The following CCDC33 variants were observed in gnomAD, a reference collection of about 807,000 sequenced individuals.
CCDC33 encodes coiled-coil domain containing 33.
CCDC33 carries 94 observed loss-of-function variants against 91.9 expected under a neutral mutation model. The ratio of observed to expected loss-of-function variants is 1.02; its 90% CI spans 0.87 to 1.21. The LOEUF (loss-of-function observed/expected upper bound fraction) is 1.21. Ranked by LOEUF, CCDC33 falls within the 50% of genes most tolerant of loss-of-function variation. CCDC33 has a pLI of 0.00. For synonymous variants in CCDC33, 396 were observed against 374.5 expected, an observed-to-expected ratio of 1.06 and a Z score of -0.66; for missense variants, 940 against 935.5, an observed-to-expected ratio of 1.00 and a Z score of -0.06.
intron 1 of CCDC33, 54 bp downstream of exon 1, chr15:74,236,794 G>A (rs1360899539): frequency 6.4e-7 from 1 of 1,571,938 alleles, no homozygotes; most frequent in Non-Finnish European, 8.7e-7. Flanking sequence ...CTCCTTCAAA[G>A]TCCTTCCTTC....
intron 11 of CCDC33, among the ~76,000 whole-genome samples, chr15:74,308,354 G>GAC (rs5813758): frequency 0.019 from 2,678 of 141,992 alleles, 64 homozygotes; most frequent in African/African-American, 0.058. Flanking sequence ...TGTGCAGACA[G>GAC]ACAGACACAC....
At chr15:74,281,609 T>C (rs956026350) in intron 9 of CCDC33, among the ~76,000 whole-genome samples, 169 bp from the exon 10 acceptor site, 5 of 152,124 alleles carry the variant, frequency 3.3e-5, no homozygotes, top group Non-Finnish European at 5.9e-5. Flanking sequence ...AGGGGTGGTG[T>C]GGAGGCAGTT....
chr15:74,292,260 G>T (rs1325994908), intron 10 of CCDC33, among the ~76,000 whole-genome samples: 2 of 152,172 alleles, frequency 1.3e-5, no homozygotes, highest in African/African-American at 4.8e-5. Flanking sequence ...AGTCTCCAAG[G>T]CTCTTCCCAT....
intron 10 of CCDC33, among the ~76,000 whole-genome samples, chr15:74,291,842 C>T (rs115096633): frequency 0.011 from 1,745 of 152,326 alleles, 41 homozygotes; most frequent in African/African-American, 0.04. Context: ...TGGTCTGTCT[C>T]AACAGACCCA....
At chr15:74,235,635 C>T (rs2075130232), upstream of CCDC33, among the ~76,000 whole-genome samples, 1 of 152,152 alleles carries the variant, frequency 6.6e-6, no homozygotes, top group Non-Finnish European at 1.5e-5. Flanking sequence ...AGTCTCTCTT[C>T]ATTCTGCCAT....
At chr15:74,268,540 G>A in intron 5 of CCDC33, 82 bp downstream of exon 5, 1 of 1,049,862 alleles carries the variant, frequency 9.5e-7, no homozygotes, top group Non-Finnish European at 1.5e-6. Context: ...CTTGCCCTTA[G>A]CCCCCTCTGG....
Position 74,332,717 on chromosome 15 carries a change from T to G in CCDC33, c.1810T>G (p.Ser604Ala). 1 of 1,614,176 alleles carries G rather than the reference T, an allele frequency of 6.2e-7. No homozygotes were observed. Among genetic ancestry groups the G allele is most frequent in the Non-Finnish European group, 8.5e-7 (1 of 1,180,008 alleles). Residue 604 changes from serine to alanine, a missense_variant, in exon 16 of 19, where the codon TCT becomes GCT. By Grantham distance (99) the Ser-to-Ala change is moderately conservative. Transcript: ENST00000398814. ...MLSASGLPLG[S>A]MGENLPVELY... is the part of the protein sequence containing the mutation. ...CTCAGCCTCTGGCCTTCCCTTGGGTTCTATGGGAGAGAACCTGCCGGTTGA... is the reference window on the plus strand; with the variant it reads ...CTCAGCCTCTGGCCTTCCCTTGGGTGCTATGGGAGAGAACCTGCCGGTTGA...
chr15:74,323,198 G>A (rs1021823760), intron 11 of CCDC33, among the ~76,000 whole-genome samples: 3 of 151,992 alleles, frequency 2.0e-5, no homozygotes, highest in Non-Finnish European at 4.4e-5. Flanking sequence ...CAGAGCACTG[G>A]CCAAGGTCAC....
intron 15 of CCDC33, 73 bp downstream of exon 15, chr15:74,331,369 C>T (rs2060434942): frequency 1.4e-6 from 2 of 1,472,516 alleles, no homozygotes; most frequent in Non-Finnish European, 1.9e-6. Flanking sequence ...TTCCTGGAGC[C>T]TCTCAGCTTC....
upstream of CCDC33, among the ~76,000 whole-genome samples, chr15:74,233,015 G>A (rs138467095): frequency 2.9e-3 from 446 of 152,226 alleles, 1 homozygote; most frequent in African/African-American, 0.01. Context: ...GCCCATGGCC[G>A]CACCTTTCTC....
chr15:74,321,649 C>T (rs114913123), intron 11 of CCDC33, among the ~76,000 whole-genome samples: 2 of 152,144 alleles, frequency 1.3e-5, no homozygotes, highest in South Asian at 2.1e-4. Flanking sequence ...GATCCGCCCC[C>T]CTCGGCTCCC....
At chr15:74,251,872 G>A (rs2075721030) in intron 2 of CCDC33, among the ~76,000 whole-genome samples, 1 of 152,138 alleles carries the variant, frequency 6.6e-6, no homozygotes, top group African/African-American at 2.4e-5. Context: ...TGGCAAGAGG[G>A]GGGATAAAGA....
intron 7 of CCDC33, 101 bp downstream of exon 7, chr15:74,272,992 TAA>T: frequency 6.8e-7 from 1 of 1,473,886 alleles, no homozygotes; most frequent in South Asian, 1.2e-5. Context: ...GACTATCGAG[TAA>T]GAGTTGACTG....
intron 2 of CCDC33, among the ~76,000 whole-genome samples, chr15:74,211,100 T>C (rs141730608): frequency 0.016 from 2,340 of 150,850 alleles, 60 homozygotes; most frequent in African/African-American, 0.054. Context: ...GGTCAGTGAC[T>C]GACCTAGGGG....
exon 1 of CCDC33, chr15:74,217,543 C>A (rs780212879): frequency 1.6e-6 from 2 of 1,268,222 alleles, no homozygotes; most frequent in Non-Finnish European, 2.0e-6. Context: ...CAGAGCCTCA[C>A]CCTCACCAGG....
At chr15:74,313,737 C>G (rs1317071023) in intron 11 of CCDC33, among the ~76,000 whole-genome samples, 1 of 152,164 alleles carries the variant, frequency 6.6e-6, no homozygotes, top group African/African-American at 2.4e-5. Flanking sequence ...TAGGCAACTT[C>G]TTACCCTGTC....
chr15:74,253,923 C>T (rs2075785693), intron 2 of CCDC33, among the ~76,000 whole-genome samples: 2 of 149,666 alleles, frequency 1.3e-5, no homozygotes, highest in Admixed American at 6.6e-5. Flanking sequence ...ACTGTGTTGC[C>T]CAGGCTGGTT....
intron 18 of CCDC33, 49 bp downstream of exon 18, chr15:74,335,137 G>C: frequency 7.1e-7 from 1 of 1,404,504 alleles, no homozygotes; most frequent in Non-Finnish European, 1.0e-6. Flanking sequence ...TGGTGGAGCA[G>C]GAAGCCACCG....
intron 1 of CCDC33, among the ~76,000 whole-genome samples, chr15:74,237,616 C>T (rs1417178522): frequency 6.6e-6 from 1 of 152,190 alleles, no homozygotes; most frequent in Non-Finnish European, 1.5e-5. Flanking sequence ...CACAGCTGCC[C>T]CCCACCCCCT....
Sources: allele counts gnomAD v4.1 joint callset (sites outside exome capture counted in the v4.1 genomes callset), GRCh38; gene constraint gnomAD v4.1.1; transcripts MANE v1.5; gene names NCBI Gene and HGNC (gene_info 2026-07-23, HGNC 2026-07-21).